KRTAP5-4: variants seen among roughly 807,000 people sequenced by gnomAD.
KRTAP5-4 encodes the protein keratin-associated protein 5-4.
Under a neutral mutation model 2.6 loss-of-function variants are expected in KRTAP5-4, and 1 was observed. The ratio of observed to expected loss-of-function variants is 0.39; its 90% CI spans 0.14 to 1.85. The LOEUF is 1.85. Ranked by LOEUF, KRTAP5-4 falls within the 40% of genes most tolerant of loss-of-function variation. The probability of loss-of-function intolerance (pLI) is 0.32; values close to 1 mark genes in which losing one functional copy is unlikely to be tolerated. For missense variants in KRTAP5-4, 195 were observed against 276.9 expected, an observed-to-expected ratio of 0.70 and a Z score of 2.10; for synonymous variants, 83 against 113.1, an observed-to-expected ratio of 0.73 and a Z score of 1.69.
At position 1,621,408 on chromosome 11, in the gene KRTAP5-4, C is replaced by A; in HGVS notation, c.686G>T (p.Ter229LeuextTer53). Residue 229 changes from the stop codon to leucine, a stop_lost, in exon 1 of 1, where the codon TGA becomes TTA. Transcript: ENST00000399682. Reference protein sequence around the residue: ...CVPVCCQCKI* With the variant: ...CVPVCCQCKIL ...CACATGAGGCCTGAGTCCAGAGCCT[C>A]AGATCTTACACTGGCAGCACACAGG... 6.2e-7 allele frequency: 1 copy of A among 1,614,130 alleles called. No homozygotes were observed. The highest frequency in any genetic ancestry group is 8.5e-7 in the Non-Finnish European group (1 of 1,180,000).
chr11:1,621,546 T>A lies in KRTAP5-4; in HGVS notation c.548A>T (p.Tyr183Phe). 1 of 1,578,534 alleles carries A rather than the reference T, an allele frequency of 6.3e-7. No homozygotes were observed. Among genetic ancestry groups the A allele is most frequent in the Non-Finnish European group, 8.6e-7 (1 of 1,165,830 alleles). Residue 183 changes from tyrosine to phenylalanine, a missense_variant, in exon 1 of 1, where the codon TAC becomes TTC. Transcript: ENST00000399682. ...SCCQSSCCKP[Y>F]CCQSSCCKPC... ...CTTACAGCAGCTGGACTGGCAGCAG[T>A]AGGGCTTGCAGCAGCTGGACTGGCA...
chr11:1,621,136 C>T lies in KRTAP5-4; in HGVS notation c.*271G>A. Reference sequence around the variant, plus strand: ...ACAGGACTGCAAGTGGGTTCAGGAGCTCAGGCCTCTGAAAAGATGAGCAAA... The same window carrying T: ...ACAGGACTGCAAGTGGGTTCAGGAGTTCAGGCCTCTGAAAAGATGAGCAAA... On this transcript the variant is annotated 3_prime_UTR_variant, in exon 1 of 1. Transcript: ENST00000399682. 1.6e-6 allele frequency: 1 copy of T among 611,612 alleles called. No homozygotes were observed. Among genetic ancestry groups the T allele is most frequent in the African/African-American group, 1.9e-5 (1 of 53,796 alleles). The allele number at this position is 611,612 out of a possible 1,614,324, so 37.9% of individuals were successfully genotyped here.
rs1849595067 is a variant in KRTAP5-4, at chr11:1,621,374, A to G, written c.*33T>C. 1 of 1,612,392 alleles carries G rather than the reference A, an allele frequency of 6.2e-7. No homozygotes were observed. Among genetic ancestry groups the G allele is most frequent in the Admixed American group, 1.7e-5 (1 of 59,972 alleles). On this transcript the variant is annotated 3_prime_UTR_variant, in exon 1 of 1. Coordinates refer to ENST00000399682, the MANE Select transcript of KRTAP5-4 (RefSeq NM_001347674.1). ...GGTCACAGCTTTGGAAGACAGGATT[A>G]GCAGGACTCACATGAGGCCTGAGTC...
rs777602419 is a variant in KRTAP5-4 at position 1,621,918 on chromosome 11, A to G, written c.176T>C (p.Val59Ala). 49 of 1,564,170 alleles carry G rather than the reference A, an allele frequency of 3.1e-5. No individual in the cohort carries two copies. The highest frequency in any genetic ancestry group is 2.4e-4 in the Admixed American group (14 of 57,326). ...GGAACAGGCTGGCACACAGCAGCAC[A>G]CAGGTTTGCAGCAGCAGATGGGCAC... The part of the protein sequence containing the change: ...CCVPICCCKP[V>A]CCCVPACSCS... Residue 59 changes from valine (V) to alanine (A), a missense_variant, in exon 1 of 1, where the codon GTG becomes GCG. Coordinates refer to ENST00000399682, the MANE Select transcript of KRTAP5-4 (RefSeq NM_001347674.1).
rs1219818791 is a variant in KRTAP5-4 at position 1,621,750 on chromosome 11, C to T, written c.344G>A (p.Gly115Glu). 4 of 1,571,954 alleles carry T rather than the reference C, an allele frequency of 2.5e-6. No homozygotes were observed. The highest frequency in any genetic ancestry group is 2.6e-6 in the Non-Finnish European group (3 of 1,158,648). ...GGSKGGCGSC[G>E]GSKGGCGSCG... ...GGAGCCACAGCCCCCCTTGGAACCC[C>T]CACAGGAGCCACAGCCCCCCTTGGA... Residue 115 changes from glycine to glutamate, a missense_variant, in exon 1 of 1, where the codon GGG (glycine) becomes GAG (glutamate). Transcript: ENST00000399682.
rs1442520015 is a variant in KRTAP5-4 at position 1,621,640 on chromosome 11, C to T, written c.454G>A (p.Gly152Arg). The stretch of plus-strand genomic sequence containing the variant: ...CAGCTGGACTGGCAGCAGGATGACC[C>T]ACAGCCTGAAGAGAAGCAGCAGGGC... Reference protein sequence around the residue: ...CKPCCFSSGCGSSCCQSSCCK... With the variant: ...CKPCCFSSGCRSSCCQSSCCK... Residue 152 changes from glycine to arginine, a missense_variant, in exon 1 of 1, where the codon GGG becomes AGG. Transcript: ENST00000399682. The T allele has an allele frequency of 1.9e-6, 3 of 1,605,298 alleles. No individual in the cohort carries two copies. Among genetic ancestry groups the T allele is most frequent in the Non-Finnish European group, 2.6e-6 (3 of 1,174,378 alleles).
rs1384708876 is a variant in KRTAP5-4 at position 1,621,239 on chromosome 11, G to A, written c.*168C>T. 8.4e-6 allele frequency: 11 copies of A among 1,308,562 alleles called. No homozygotes were observed. In the East Asian group the frequency reaches 1.0e-4, roughly 12 times the overall value. 81.1% of individuals were successfully genotyped at this position (1,308,562 alleles called of 1,614,324 possible). ...GAGAGAATTTGTTAGGAGAGACAAT[G>A]GACATTAATTAGGGTGGACTCTTCT... On this transcript the variant is annotated 3_prime_UTR_variant, in exon 1 of 1. Coordinates refer to ENST00000399682, the MANE Select transcript of KRTAP5-4 (RefSeq NM_001347674.1).
chr11:1,621,300 G>A lies in KRTAP5-4; in HGVS notation c.*107C>T, dbSNP rs1849593799. 1.3e-6 allele frequency: 2 copies of A among 1,564,770 alleles called. No individual in the cohort carries two copies. The highest frequency in any genetic ancestry group is 2.7e-5 in the African/African-American group (2 of 73,984). On this transcript the variant is annotated 3_prime_UTR_variant, in exon 1 of 1. Transcript: ENST00000399682. ...CAGCCAGATATGGCATCGTTCTACA[G>A]CAGGGAATGGACCCTGAGCAATGAT...
chr11:1,621,496 C>T lies in KRTAP5-4; in HGVS notation c.598G>A (p.Gly200Arg), dbSNP rs575292746. 8.7e-6 allele frequency: 14 copies of T among 1,613,210 alleles called. No individual in the cohort carries two copies. The African/African-American group carries it at 1.3e-4, about 15-fold the overall frequency. ...CKPCCSSSGCGSSCCQSSCCN... is the reference protein window; with the variant it reads ...CKPCCSSSGCRSSCCQSSCCN... The stretch of plus-strand genomic sequence containing the variant: ...CAACTGGACTGGCAGCAGGATGACC[C>T]ACAACCTGAGGAGGAGCAGCAGGGC... The change falls in exon 1 of 1, where the codon GGG becomes AGG. Residue 200 changes from glycine (G) to arginine (R), a missense_variant. By Grantham distance (125) the Gly-to-Arg change is moderately radical (BLOSUM62 -2). Transcript: ENST00000399682.
rs1424605722 is a variant in KRTAP5-4, at chr11:1,621,102, C to G, written c.*305G>C. 5 of 445,720 alleles carry G rather than the reference C, an allele frequency of 1.1e-5. No individual in the cohort carries two copies. In the Admixed American group the frequency reaches 1.5e-4, roughly 13 times the overall value. 27.6% of individuals were successfully genotyped at this position (445,720 alleles called of 1,614,324 possible). ...GGACGCTTATGCCCAGCTGCTCCAG[C>G]TGGAAAAGACAGGACTGCAAGTGGG... is the stretch of plus-strand genomic sequence containing the variant. On this transcript the variant is annotated 3_prime_UTR_variant, in exon 1 of 1. Coordinates refer to ENST00000399682, the MANE Select transcript of KRTAP5-4 (RefSeq NM_001347674.1).
At position 1,621,764 on chromosome 11, in the gene KRTAP5-4, GC is replaced by G. The variant is rs1287157670; in HGVS notation, c.329del (p.Gly110AlafsTer128). The G allele has an allele frequency of 3.8e-6, 6 of 1,585,162 alleles. 1 individual carries two copies. Among genetic ancestry groups the G allele is most frequent in the South Asian group, 1.1e-5 (1 of 89,286 alleles). On this transcript the variant is annotated frameshift_variant, in exon 1 of 1. Coordinates refer to ENST00000399682, the MANE Select transcript of KRTAP5-4 (RefSeq NM_001347674.1). LOFTEE classifies it low-confidence loss of function (END_TRUNC). ...GCGSCGGSKG[G>X]CGSCGGSKGG... ...CCTTGGAACCCCCACAGGAGCCACA[GC>G]CCCCCTTGGAGCCCCCACAGGAGCC...
chr11:1,621,525 C>T lies in KRTAP5-4; in HGVS notation c.569G>A (p.Cys190Tyr). Residue 190 changes from cysteine to tyrosine, a missense_variant, in exon 1 of 1, where the codon TGT becomes TAT. Physicochemically the swap from Cys to Tyr is radical, Grantham distance 194 (BLOSUM62 -2). Transcript: ENST00000399682. ...ACCTGAGGAGGAGCAGCAGGGCTTA[C>T]AGCAGCTGGACTGGCAGCAGTAGGG... is the stretch of plus-strand genomic sequence containing the variant. ...CKPYCCQSSCCKPCCSSSGCG... is the reference protein window; with the variant it reads ...CKPYCCQSSCYKPCCSSSGCG... The T allele has an allele frequency of 1.2e-6, 2 of 1,613,548 alleles. No homozygotes were observed. The highest frequency in any genetic ancestry group is 2.2e-5 in the East Asian group (1 of 44,858).
rs61867574 is a variant in KRTAP5-4 at position 1,621,998 on chromosome 11, G to A, written c.96C>T (p.Gly32=). The A allele has an allele frequency of 0.62, 903,019 of 1,454,924 alleles. 279,367 individuals are homozygous for A. The highest frequency in any genetic ancestry group is 0.65 in the African/African-American group (35,825 of 55,480). 90.1% of individuals were successfully genotyped at this position (1,454,924 alleles called of 1,614,324 possible). ...CGGAGCCACAGCCCCCACAGCCGGA[G>A]CCACAGCCCCCACAGCCAGAGCCAC... ...GGCGSGCGGC[G]SGCGGCGSGC... The change falls in exon 1 of 1, where the codon GGC becomes GGT. Residue 32 remains glycine, a synonymous_variant. Transcript: ENST00000399682.
chr11:1,621,048 C>T lies in KRTAP5-4; in HGVS notation c.*359G>A. ...GACATGCAAAGCCACTCCAAGGAAG[C>T]CTCTTAAACGCCCACCTTGTTGCAG... On this transcript the variant is annotated 3_prime_UTR_variant, in exon 1 of 1. Transcript: ENST00000399682. 7.0e-6 allele frequency: 2 copies of T among 286,480 alleles called. No homozygotes were observed. The highest frequency in any genetic ancestry group is 1.4e-5 in the Non-Finnish European group (2 of 143,494). The allele number at this position is 286,480 out of a possible 1,614,324, so 17.7% of individuals were successfully genotyped here.
chr11:1,621,314 C>G lies in KRTAP5-4; in HGVS notation c.*93G>C. The G allele has an allele frequency of 6.3e-7, 1 of 1,581,072 alleles. No homozygotes were observed. The highest frequency in any genetic ancestry group is 8.6e-7 in the Non-Finnish European group (1 of 1,161,678). ...ATCGTTCTACAGCAGGGAATGGACC[C>G]TGAGCAATGATTTGGGGCTCAACAA... On this transcript the variant is annotated 3_prime_UTR_variant, in exon 1 of 1. Transcript: ENST00000399682.
rs1201937099 is a variant in KRTAP5-4 at position 1,621,315 on chromosome 11, T to A, written c.*92A>T. ...TCGTTCTACAGCAGGGAATGGACCC[T>A]GAGCAATGATTTGGGGCTCAACAAT... On this transcript the variant is annotated 3_prime_UTR_variant, in exon 1 of 1. Coordinates refer to ENST00000399682, the MANE Select transcript of KRTAP5-4 (RefSeq NM_001347674.1). 2 of 1,581,632 alleles carry A rather than the reference T, an allele frequency of 1.3e-6. No homozygotes were observed. The highest frequency in any genetic ancestry group is 1.7e-6 in the Non-Finnish European group (2 of 1,162,024).
At position 1,621,740 on chromosome 11, in the gene KRTAP5-4, C is replaced by A; in HGVS notation, c.354G>T (p.Lys118Asn). 6.3e-7 allele frequency: 1 copy of A among 1,593,322 alleles called. No homozygotes were observed. The highest frequency in any genetic ancestry group is 8.5e-7 in the Non-Finnish European group (1 of 1,170,192). ...AGCCCCCACAGGAGCCACAGCCCCC[C>A]TTGGAACCCCCACAGGAGCCACAGC... ...KGGCGSCGGS[K>N]GGCGSCGGSK... is the part of the protein sequence containing the mutation. The change falls in exon 1 of 1, where the codon AAG becomes AAT. Residue 118 changes from lysine to asparagine, a missense_variant. Physicochemically the swap from Lys to Asn is moderately conservative, Grantham distance 94. Coordinates refer to ENST00000399682, the MANE Select transcript of KRTAP5-4 (RefSeq NM_001347674.1).
At position 1,621,932 on chromosome 11, in the gene KRTAP5-4, G is replaced by C; in HGVS notation, c.162C>G (p.Cys54Trp). Residue 54 changes from cysteine (C) to tryptophan (W), a missense_variant, in exon 1 of 1, where the codon TGC becomes TGG. Coordinates refer to ENST00000399682, the MANE Select transcript of KRTAP5-4 (RefSeq NM_001347674.1). ...CACAGCAGCACACAGGTTTGCAGCA[G>C]CAGATGGGCACACAGCAGCTGGAGC... is the stretch of plus-strand genomic sequence containing the variant. ...GCGSSCCVPI[C>W]CCKPVCCCVP... The C allele has an allele frequency of 6.2e-7, 1 of 1,609,670 alleles. No individual in the cohort carries two copies. The highest frequency in any genetic ancestry group is 2.1e-4 in the Middle Eastern group (1 of 4,856).
Position 1,621,938 on chromosome 11 carries a change from G to A in KRTAP5-4, c.156C>T (p.Pro52=), listed in dbSNP as rs763588421. ...CGGCGSSCCV[P]ICCCKPVCCC... ...AGCACACAGGTTTGCAGCAGCAGATGGGCACACAGCAGCTGGAGCCACAGC... is the reference window on the plus strand; with the variant it reads ...AGCACACAGGTTTGCAGCAGCAGATAGGCACACAGCAGCTGGAGCCACAGC... The change falls in exon 1 of 1, where the codon CCC becomes CCT. Residue 52 remains proline (P), a synonymous_variant. Transcript: ENST00000399682. 3 of 1,606,938 alleles carry A rather than the reference G, an allele frequency of 1.9e-6. No homozygotes were observed. The highest frequency in any genetic ancestry group is 2.5e-6 in the Non-Finnish European group (3 of 1,178,766).
Sources: gnomAD v4.1 joint callset for allele counts on GRCh38, gnomAD v4.1.1 for gene constraint, MANE v1.5 for transcripts, NCBI Gene and HGNC (gene_info 2026-07-23, HGNC 2026-07-21) for gene names.